The following SETBP1 variants were observed in gnomAD, a reference collection of about 807,000 sequenced individuals.
SETBP1 encodes the protein SET-binding protein.
A neutral mutation model predicts 101.0 loss-of-function variants in SETBP1; 9 were observed. The ratio of observed to expected loss-of-function variants is 0.09; its 90% CI spans 0.05 to 0.16. The LOEUF (loss-of-function observed/expected upper bound fraction) is 0.16, where lower values mean the gene tolerates loss of function less well. Ranked by LOEUF, SETBP1 falls within the 10% of genes least tolerant of loss-of-function variation. SETBP1 has a pLI of 1.00. For missense variants in SETBP1, 1,858 were observed against 2,033.8 expected (o/e 0.91, Z 1.66); for synonymous variants, 818 against 788.5 (o/e 1.04, Z -0.63).
At chr18:44,928,192 T>A (rs1043439380) in intron 3 of SETBP1, among the ~76,000 whole-genome samples, 3 of 152,206 alleles carry the variant, frequency 2.0e-5, no homozygotes, top group Non-Finnish European at 4.4e-5. Flanking sequence ...TGGTTTTCTG[T>A]CCTTGTGATA....
intron 3 of SETBP1, among the ~76,000 whole-genome samples, chr18:44,872,509 G>GTACCATCATTCA (rs1487252694): frequency 6.6e-6 from 1 of 152,162 alleles, no homozygotes; most frequent in Non-Finnish European, 1.5e-5. Context: ...CTAGTTGTTA[G>GTACCATCATTCA]TACCATCATT....
intron 3 of SETBP1, among the ~76,000 whole-genome samples, chr18:44,890,185 A>G (rs1246540339): frequency 6.6e-6 from 1 of 152,104 alleles, no homozygotes; most frequent in South Asian, 2.1e-4. Context: ...ATGTTGTAAA[A>G]TAGGTTTCCT....
chr18:44,700,074 G>A (rs2069090677), intron 1 of SETBP1, among the ~76,000 whole-genome samples: 1 of 152,166 alleles, frequency 6.6e-6, no homozygotes, highest in Non-Finnish European at 1.5e-5. Context: ...CCTAAGGGTG[G>A]GAGGATGTGA....
chr18:44,851,151 G>A (rs2072851962), intron 2 of SETBP1, among the ~76,000 whole-genome samples: 1 of 152,070 alleles, frequency 6.6e-6, no homozygotes, highest in African/African-American at 2.4e-5. Context: ...AAAAGTTAAA[G>A]GAATTATTTA....
At chr18:44,715,825 C>A (rs1484433260) in intron 2 of SETBP1, among the ~76,000 whole-genome samples, 1 of 152,190 alleles carries the variant, frequency 6.6e-6, no homozygotes, top group Non-Finnish European at 1.5e-5. Context: ...ATAAAGCCCC[C>A]AGACGTGGCT....
intron 4 of SETBP1, among the ~76,000 whole-genome samples, chr18:45,024,756 T>C (rs1445666485): frequency 6.6e-6 from 1 of 152,162 alleles, no homozygotes; most frequent in Middle Eastern, 3.2e-3. Flanking sequence ...ACAGTGAAAT[T>C]ACCTTAGAGG....
At position 45,066,252 on chromosome 18, in the gene SETBP1, G is replaced by C. The variant is rs1262868379; in HGVS notation, c.*2554G>C. ...AACAGCAGAGTTGCAACTTACACGT[G>C]AATTCTGGTCTATAGTGGTCATGTG... On this transcript the variant is annotated 3_prime_UTR_variant, in exon 6 of 6. Coordinates refer to ENST00000649279, the MANE Select transcript of SETBP1 (RefSeq NM_015559.3). The C allele has an allele frequency of 1.3e-5, 2 of 152,156 alleles. No homozygotes were observed. The highest frequency in any genetic ancestry group is 4.8e-5 in the African/African-American group (2 of 41,438). The allele number at this position is 152,156 out of a possible 1,614,324, so 9.4% of individuals were successfully genotyped here.
At position 44,952,582 on chromosome 18, in the gene SETBP1, C is replaced by G; in HGVS notation, c.3242C>G (p.Ala1081Gly). Residue 1081 changes from alanine (A) to glycine (G), a missense_variant, in exon 4 of 6, where the codon GCA becomes GGA. By Grantham distance (60) the Ala-to-Gly change is moderately conservative. This residue lies in a region of SETBP1 where 255 missense variants were observed against 300.1 expected (regional missense o/e 0.85). Coordinates refer to ENST00000649279, the MANE Select transcript of SETBP1 (RefSeq NM_015559.3). ...APLYLSHTLGAASPFMRPTVP... is the reference protein window; with the variant it reads ...APLYLSHTLGGASPFMRPTVP... ...TTGTACCTATCGCACACGCTTGGAG[C>G]AGCTTCCCCATTCATGAGGCCAACA... is the stretch of plus-strand genomic sequence containing the variant. The G allele has an allele frequency of 6.2e-7, 1 of 1,613,838 alleles. No homozygotes were observed. The highest frequency in any genetic ancestry group is 8.5e-7 in the Non-Finnish European group (1 of 1,179,774).
intron 2 of SETBP1, among the ~76,000 whole-genome samples, chr18:44,763,967 C>T (rs2070712176): frequency 6.6e-6 from 1 of 152,190 alleles, no homozygotes; most frequent in Non-Finnish European, 1.5e-5. Flanking sequence ...ACACATAGAA[C>T]ACCAAATGTT....
chr18:44,962,205 A>T (rs1260010014), intron 4 of SETBP1, among the ~76,000 whole-genome samples: 3 of 152,238 alleles, frequency 2.0e-5, no homozygotes, highest in African/African-American at 7.2e-5. Flanking sequence ...ATCAGGAAGG[A>T]TAACAGTGTT....
At chr18:44,865,815 T>C (rs775806410) in intron 2 of SETBP1, among the ~76,000 whole-genome samples, 35 of 152,338 alleles carry the variant, frequency 2.3e-4, no homozygotes, top group Non-Finnish European at 4.3e-4. Context: ...TACCGTTTTT[T>C]CAGGACGCAT....
chr18:45,047,964 T>A (rs191095025), intron 5 of SETBP1, among the ~76,000 whole-genome samples: 118 of 152,262 alleles, frequency 7.7e-4, no homozygotes, highest in African/African-American at 2.5e-3. Context: ...GCTGCTTCAA[T>A]TGGAACAGAC....
At chr18:44,773,812 C>G (rs559331272) in intron 2 of SETBP1, among the ~76,000 whole-genome samples, 83 of 146,984 alleles carry the variant, frequency 5.6e-4, no homozygotes, top group African/African-American at 2.0e-3. Context: ...CTCTCTCTCT[C>G]TCTCTCTCTC....
At chr18:44,821,886 AC>A (rs1198855962) in intron 2 of SETBP1, among the ~76,000 whole-genome samples, 13 of 152,184 alleles carry the variant, frequency 8.5e-5, no homozygotes, top group Admixed American at 6.5e-5. Context: ...GTAGCTAGGA[AC>A]GCCTGCTGTC....
intron 2 of SETBP1, among the ~76,000 whole-genome samples, chr18:44,702,459 T>C (rs560005805): frequency 6.6e-5 from 10 of 152,354 alleles, no homozygotes; most frequent in African/African-American, 2.4e-4. Context: ...TTCTTTATCA[T>C]ATCTTCTGCA....
At position 44,728,786 on chromosome 18, in the gene SETBP1, A is replaced by T. The variant is rs113834316; in HGVS notation, c.486+26954A>T. 3.1e-3 allele frequency among the ~76,000 whole-genome samples: 476 copies of T among 152,300 alleles called. 4 individuals are homozygous for T. The highest frequency in any genetic ancestry group is 0.011 in the African/African-American group (471 of 41,566). ...AAGAAGGAGAACAGGCATTCCAGGA[A>T]GAAATAATGGCATATGCAGAGGCAT... On this transcript the variant is annotated intron_variant, in intron 2 of 5. Coordinates refer to ENST00000649279, the MANE Select transcript of SETBP1 (RefSeq NM_015559.3).
chr18:44,701,545 C>T lies in SETBP1; in HGVS notation c.199C>T (p.Arg67Trp), dbSNP rs955034546. The change falls in exon 2 of 6, where the codon CGG becomes TGG. Residue 67 changes from arginine to tryptophan, a missense_variant. This residue lies in a region of SETBP1 where 97 missense variants were observed against 101.2 expected (regional missense o/e 0.96). Coordinates refer to ENST00000649279, the MANE Select transcript of SETBP1 (RefSeq NM_015559.3). ...PEEEDELGSG[R>W]DVDSNSNADS... ...GGAGGAGGATGAACTAGGCTCAGGGCGGGATGTGGATTCCAACTCCAACGC... is the reference window on the plus strand; with the variant it reads ...GGAGGAGGATGAACTAGGCTCAGGGTGGGATGTGGATTCCAACTCCAACGC... 2.5e-6 allele frequency: 4 copies of T among 1,613,910 alleles called. No homozygotes were observed. Among genetic ancestry groups the T allele is most frequent in the African/African-American group, 2.7e-5 (2 of 74,874 alleles).
At chr18:44,871,238 C>T (rs933294630) in intron 3 of SETBP1, 1 of 152,186 alleles carries the variant, frequency 6.6e-6, no homozygotes, top group Non-Finnish European at 1.5e-5. Context: ...TGTCTCGGGT[C>T]AACAGCATCC....
chr18:44,859,324 C>A (rs2073032372), intron 2 of SETBP1, among the ~76,000 whole-genome samples: 1 of 152,078 alleles, frequency 6.6e-6, no homozygotes, highest in Non-Finnish European at 1.5e-5. Context: ...CTGACTTTTA[C>A]CTGCATGGTG....
Sources: gnomAD v4.1 joint callset for allele counts (sites outside exome capture counted in the v4.1 genomes callset) on GRCh38, gnomAD v4.1.1 for gene constraint, gnomAD v4.1.1 regional missense constraint, MANE v1.5 for transcripts, NCBI Gene and HGNC (gene_info 2026-07-23, HGNC 2026-07-21) for gene names.